ENO1: variants seen among roughly 807,000 people sequenced by gnomAD.
The protein encoded by ENO1 is alpha-enolase.
Under a neutral mutation model 46.3 loss-of-function variants are expected in ENO1, and 33 were observed. The ratio of observed to expected loss-of-function variants is 0.71; its 90% CI spans 0.54 to 0.95. The LOEUF (loss-of-function observed/expected upper bound fraction) is 0.95, where lower values mean the gene tolerates loss of function less well. ENO1 is among the 40% of genes least tolerant of loss of function. The pLI is 0.00. For synonymous variants in ENO1, 220 were observed against 216.0 expected (o/e 1.02, Z -0.16); for missense variants, 488 against 553.3 (o/e 0.88, Z 1.18).
intron 4 of ENO1, among the ~76,000 whole-genome samples, chr1:8,869,069 A>T (rs1322613598): frequency 2.0e-5 from 3 of 152,192 alleles, no homozygotes; most frequent in Non-Finnish European, 4.4e-5. Flanking sequence ...ATAAAAAAAT[A>T]TGCAAAGAAA....
chr1:8,871,127 C>T (rs1253711065), intron 3 of ENO1: 38 of 1,172,600 alleles, frequency 3.2e-5, no homozygotes, highest in South Asian at 4.3e-5. Context: ...GTAACATGTT[C>T]GTGTGTGTAG....
chr1:8,878,435 A>G, intron 1 of ENO1, 145 bp downstream of exon 1: 1 of 341,114 alleles, frequency 2.9e-6, no homozygotes, highest in East Asian at 8.9e-5. Flanking sequence ...GCCAGTTCCC[A>G]CCCAGGGAGG....
At position 8,870,449 on chromosome 1, in the gene ENO1, T is replaced by C; in HGVS notation, c.240+3A>G. 6.2e-7 allele frequency: 1 copy of C among 1,614,208 alleles called. No homozygotes were observed. Among genetic ancestry groups the C allele is most frequent in the Admixed American group, 1.7e-5 (1 of 60,018 alleles). ...ACATTAGTTATCAGGAGGCAGGTCC[T>C]ACCTTGCTAACCAGGGCAGGCGCAA... On this transcript the variant is annotated splice_donor_region_variant and intron_variant, in intron 4 of 11. Coordinates refer to ENST00000234590, the MANE Select transcript of ENO1 (RefSeq NM_001428.5).
intron 2 of ENO1, 83 bp downstream of exon 2, chr1:8,874,741 T>C (rs765866727): frequency 1.5e-4 from 189 of 1,247,132 alleles, no homozygotes; most frequent in Admixed American, 1.3e-3. Context: ...ATTTTTTTTT[T>C]CCTAAGGCTC....
intron 1 of ENO1, among the ~76,000 whole-genome samples, chr1:8,876,901 A>G (rs950585238): frequency 6.6e-6 from 1 of 151,460 alleles, no homozygotes; most frequent in East Asian, 1.9e-4. Context: ...CTGGAGTGCA[A>G]TGGCGCCATT....
rs267598750 is a variant in ENO1, at chr1:8,863,966, G to A, written c.992C>T (p.Ala331Val). ...GCAGTTGCAGGACTTCTCGTTCACG[G>A]CCTTGGCGATCCTCTTTGGGTTGGT... ...TVTNPKRIAK[A>V]VNEKSCNCLL... Residue 331 changes from alanine (A) to valine (V), a missense_variant, in exon 9 of 12, where the codon GCC becomes GTC. Coordinates refer to ENST00000234590, the MANE Select transcript of ENO1 (RefSeq NM_001428.5). 6.2e-7 allele frequency: 1 copy of A among 1,614,098 alleles called. No homozygotes were observed. Among genetic ancestry groups the A allele is most frequent in the Non-Finnish European group, 8.5e-7 (1 of 1,180,028 alleles).
At chr1:8,866,008 G>C (rs566418502) in intron 7 of ENO1, 21 of 395,022 alleles carry the variant, frequency 5.3e-5, no homozygotes, top group Non-Finnish European at 8.2e-5. Flanking sequence ...TTGAGCCCAG[G>C]AGGCGGAAGT....
chr1:8,878,265 AGCAGCTCGCGTGT>A lies in ENO1; in HGVS notation c.-10+302_-10+314del, dbSNP rs1207839309. The A allele has an allele frequency of 3.9e-5, 10 of 254,114 alleles. No homozygotes were observed. The East Asian group carries it at 1.3e-3, about 34-fold the overall frequency. 15.7% of individuals were successfully genotyped at this position (254,114 alleles called of 1,614,324 possible). ...TCCACTCCCAACTCCCGCTGTGCTA[AGCAGCTCGCGTGT>A]GCAGCTCCCGACCTTCCCTGACAGT... is the stretch of plus-strand genomic sequence containing the variant. On this transcript the variant is annotated intron_variant, in intron 1 of 11. Transcript: ENST00000234590.
At chr1:8,873,382 A>G (rs1057086717) in intron 2 of ENO1, among the ~76,000 whole-genome samples, 2 of 152,224 alleles carry the variant, frequency 1.3e-5, no homozygotes, top group African/African-American at 2.4e-5. Context: ...CAAGTCCATC[A>G]TTTCATGTTT....
intron 4 of ENO1, among the ~76,000 whole-genome samples, chr1:8,868,848 A>AT (rs35848392): frequency 0.39 from 57,886 of 149,110 alleles, 12,367 homozygotes; most frequent in Non-Finnish European, 0.5. Context: ...TAATTTTTAT[A>AT]TTTTTTTTTT....
intron 3 of ENO1, chr1:8,871,622 G>A (rs1372232077): frequency 4.1e-5 from 52 of 1,258,056 alleles, no homozygotes; most frequent in Non-Finnish European, 5.1e-5. Context: ...AACCGTGAAG[G>A]AGTATTTCGC....
chr1:8,865,161 G>A lies in ENO1; in HGVS notation c.865+124C>T. On this transcript the variant is annotated intron_variant, in intron 8 of 11. Coordinates refer to ENST00000234590, the MANE Select transcript of ENO1 (RefSeq NM_001428.5). ...ACCCAGTGGTGAATCCCCTACGGGA[G>A]CTGGAAGTTCAGACACTCCCTCCCC... is the stretch of plus-strand genomic sequence containing the variant. 5 of 1,179,672 alleles carry A rather than the reference G, an allele frequency of 4.2e-6. No homozygotes were observed. In the South Asian group the frequency reaches 4.3e-5, roughly 10 times the overall value. 73.1% of individuals were successfully genotyped at this position (1,179,672 alleles called of 1,614,324 possible).
intron 3 of ENO1, chr1:8,870,981 C>G: frequency 8.0e-7 from 1 of 1,244,414 alleles, no homozygotes; most frequent in Non-Finnish European, 1.0e-6. Flanking sequence ...GGCAGGAAAG[C>G]AGAGGAGAGC....
intron 2 of ENO1, among the ~76,000 whole-genome samples, chr1:8,872,468 C>A (rs868654594): frequency 6.6e-6 from 1 of 152,046 alleles, no homozygotes; most frequent in Admixed American, 6.6e-5. Flanking sequence ...CTGCAATCTC[C>A]ACCTCCTGGG....
intron 2 of ENO1, among the ~76,000 whole-genome samples, chr1:8,872,502 G>A (rs982114943): frequency 1.5e-4 from 22 of 150,642 alleles, no homozygotes; most frequent in Admixed American, 1.3e-3. Context: ...CCTGCATCAG[G>A]CTCCCCAGCA....
At position 8,863,323 on chromosome 1, in the gene ENO1, T is replaced by C. The variant is rs151047591; in HGVS notation, c.1088A>G (p.Asn363Ser). The C allele has an allele frequency of 2.7e-4, 435 of 1,613,846 alleles. 1 individual carries two copies. Among genetic ancestry groups the C allele is most frequent in the Admixed American group, 1.3e-3 (76 of 59,944 alleles). Residue 363 changes from asparagine (N) to serine (S), a missense_variant, in exon 10 of 12, where the codon AAT becomes AGT. Coordinates refer to ENST00000234590, the MANE Select transcript of ENO1 (RefSeq NM_001428.5). ...ATGAGACACCATGACGCCCCAACCA[T>C]TGGCCTGGGCCAGCTTGCACCTGGA... is the stretch of plus-strand genomic sequence containing the variant. ...SLQACKLAQA[N>S]GWGVMVSHRS...
chr1:8,876,216 ATCT>A (rs1189970427), intron 1 of ENO1: 1 of 152,160 alleles, frequency 6.6e-6, no homozygotes, highest in African/African-American at 2.4e-5. Context: ...CCCCTCCAAC[ATCT>A]TCTCTGGAAT....
intron 8 of ENO1, 42 bp from the exon 9 acceptor site, chr1:8,864,134 A>C (rs1642464029): frequency 8.1e-6 from 13 of 1,602,970 alleles, no homozygotes; most frequent in Non-Finnish European, 1.1e-5. Context: ...TGATCCTCCC[A>C]GTGTGCTCCA....
intron 10 of ENO1, 23 bp downstream of exon 10, chr1:8,863,212 A>G (rs777807212): frequency 6.2e-7 from 1 of 1,612,812 alleles, no homozygotes; most frequent in South Asian, 1.1e-5. Context: ...TCAGAGAAGA[A>G]AGGAGGAGAC....
Sources: allele counts gnomAD v4.1 joint callset (sites outside exome capture counted in the v4.1 genomes callset), GRCh38; gene constraint gnomAD v4.1.1; transcripts MANE v1.5; gene names NCBI Gene and HGNC (gene_info 2026-07-23, HGNC 2026-07-21).